The following ROBO2 variants were observed in gnomAD, a reference collection of about 807,000 sequenced individuals.
ROBO2 encodes roundabout guidance receptor 2.
In ROBO2, 53 loss-of-function variants were observed where a neutral mutation model predicts 160.8. That is an observed-to-expected ratio of 0.33 (90% CI 0.26 to 0.41). The LOEUF is 0.41. ROBO2 is among the 10% of genes least tolerant of loss of function. ROBO2 has a pLI of 1.00. For synonymous variants in ROBO2, 664 were observed against 611.7 expected (o/e 1.09, Z -1.26); for missense variants, 1,577 against 1,722.4 (o/e 0.92, Z 1.49).
At chr3:76,246,813 T>A (rs557831951) in intron 2 of ROBO2, among the ~76,000 whole-genome samples, 1 of 152,288 alleles carries the variant, frequency 6.6e-6, no homozygotes, top group African/African-American at 2.4e-5. Context: ...TTTACAGAGA[T>A]AAAGTATATA....
chr3:76,984,627 A>C (rs987745741), intron 2 of ROBO2, among the ~76,000 whole-genome samples: 2 of 152,144 alleles, frequency 1.3e-5, no homozygotes, highest in African/African-American at 2.4e-5. Context: ...TGAAAGATAC[A>C]TGGAAACGTG....
At chr3:76,625,490 A>G (rs1286783104) in intron 2 of ROBO2, among the ~76,000 whole-genome samples, 7 of 152,114 alleles carry the variant, frequency 4.6e-5, no homozygotes, top group Admixed American at 1.3e-4. Flanking sequence ...ATCAAGGAAA[A>G]TATGTTTTGA....
intron 2 of ROBO2, among the ~76,000 whole-genome samples, chr3:76,284,433 C>G (rs986762169): frequency 3.3e-5 from 5 of 151,914 alleles, no homozygotes; most frequent in Non-Finnish European, 7.4e-5. Context: ...TAAACTTAAT[C>G]ATCTTAACCT....
intron 2 of ROBO2, among the ~76,000 whole-genome samples, chr3:76,024,281 G>C (rs1393654046): frequency 1.3e-5 from 2 of 151,352 alleles, no homozygotes; most frequent in Non-Finnish European, 3.0e-5. Context: ...TTTGTCTATC[G>C]TTATGAAGGA....
At chr3:77,437,940 G>T (rs1190337858) in intron 2 of ROBO2, among the ~76,000 whole-genome samples, 1 of 151,944 alleles carries the variant, frequency 6.6e-6, no homozygotes, top group Non-Finnish European at 1.5e-5. Context: ...TAAATAAAGT[G>T]TAGCAGTATG....
chr3:76,441,324 C>T (rs897534580), intron 2 of ROBO2, among the ~76,000 whole-genome samples: 3 of 152,130 alleles, frequency 2.0e-5, no homozygotes, highest in African/African-American at 7.2e-5. Context: ...TAATATATGT[C>T]AGTACTTGAA....
At chr3:77,047,936 A>G (rs1331718349) in intron 1 of ROBO2, among the ~76,000 whole-genome samples, 2 of 151,720 alleles carry the variant, frequency 1.3e-5, no homozygotes, top group African/African-American at 2.4e-5. Context: ...AGTCCCAGCT[A>G]CTTGGGAGGC....
intron 2 of ROBO2, among the ~76,000 whole-genome samples, chr3:76,251,854 G>GT (rs1350605072): frequency 1.3e-5 from 2 of 152,028 alleles, no homozygotes; most frequent in African/African-American, 2.4e-5. Context: ...TTAAGCAAAT[G>GT]TTTACTCGGT....
intron 2 of ROBO2, among the ~76,000 whole-genome samples, chr3:76,252,218 T>C (rs7613428): frequency 0.14 from 21,138 of 152,022 alleles, 2,287 homozygotes; most frequent in East Asian, 0.41. Flanking sequence ...TGAATATGAA[T>C]GGTGGTGAGC....
chr3:77,607,473 G>T (rs1252723293), intron 20 of ROBO2, among the ~76,000 whole-genome samples: 1 of 152,092 alleles, frequency 6.6e-6, no homozygotes. Context: ...ACATTTAAAA[G>T]AATTTGTTAT....
intron 2 of ROBO2, among the ~76,000 whole-genome samples, chr3:77,377,577 A>G (rs923431346): frequency 3.3e-5 from 5 of 152,206 alleles, no homozygotes; most frequent in African/African-American, 1.2e-4. Context: ...ATGGGATACA[A>G]ATCCAGCAGG....
chr3:77,640,436 T>C (rs1201611549), intron 24 of ROBO2, among the ~76,000 whole-genome samples: 1 of 152,204 alleles, frequency 6.6e-6, no homozygotes, highest in Non-Finnish European at 1.5e-5. Context: ...TAGGATGATC[T>C]AGAGCTGAGT....
intron 2 of ROBO2, among the ~76,000 whole-genome samples, chr3:77,014,025 G>C (rs1404915672): frequency 6.7e-6 from 1 of 149,060 alleles, no homozygotes; most frequent in Admixed American, 6.7e-5. Flanking sequence ...TTTTTTTAAA[G>C]GCTGCCAAAT....
chr3:76,261,312 G>T (rs983169900), intron 2 of ROBO2, among the ~76,000 whole-genome samples: 1 of 151,622 alleles, frequency 6.6e-6, no homozygotes, highest in Non-Finnish European at 1.5e-5. Context: ...TACCTGGAGA[G>T]TCTTTACCTG....
intron 2 of ROBO2, among the ~76,000 whole-genome samples, chr3:77,385,975 G>T (rs148273957): frequency 6.6e-6 from 1 of 152,182 alleles, no homozygotes; most frequent in African/African-American, 2.4e-5. Flanking sequence ...ATAAAAACAT[G>T]AAATATTGTC....
At chr3:77,427,633 C>T (rs2078337774) in intron 2 of ROBO2, among the ~76,000 whole-genome samples, 1 of 152,172 alleles carries the variant, frequency 6.6e-6, no homozygotes, top group Non-Finnish European at 1.5e-5. Flanking sequence ...CTGGCTCCCA[C>T]TGGCCAGGGA....
chr3:76,087,892 A>G (rs1389919592), intron 2 of ROBO2, among the ~76,000 whole-genome samples: 2 of 152,062 alleles, frequency 1.3e-5, no homozygotes, highest in East Asian at 3.9e-4. Flanking sequence ...TTTAATTCTA[A>G]TTAATATGGA....
At chr3:77,046,436 G>A (rs189936826) in intron 1 of ROBO2, among the ~76,000 whole-genome samples, 2 of 152,234 alleles carry the variant, frequency 1.3e-5, no homozygotes, top group African/African-American at 4.8e-5. Flanking sequence ...AGTTGAACTT[G>A]TCACTTTTAG....
chr3:76,708,193 T>C (rs2093211125), intron 2 of ROBO2, among the ~76,000 whole-genome samples: 1 of 152,176 alleles, frequency 6.6e-6, no homozygotes, highest in Non-Finnish European at 1.5e-5. Context: ...TTGCCTAGAA[T>C]ACCCTAGCAT....
Sources: gnomAD v4.1 joint callset for allele counts (sites outside exome capture counted in the v4.1 genomes callset) on GRCh38, gnomAD v4.1.1 for gene constraint, MANE v1.5 for transcripts, NCBI Gene and HGNC (gene_info 2026-07-23, HGNC 2026-07-21) for gene names.